CDS2: variants seen among roughly 807,000 people sequenced by gnomAD.
CDS2 encodes the protein CDP-diacylglycerol synthase 2.
Under a neutral mutation model 59.0 loss-of-function variants are expected in CDS2, and 47 were observed. That is an observed-to-expected ratio of 0.80 (90% CI 0.63 to 1.02). The LOEUF (loss-of-function observed/expected upper bound fraction) is 1.02, where lower values mean the gene tolerates loss of function less well. Among genes scored for constraint, CDS2 ranks in the 50% least tolerant of loss-of-function variants. The pLI is 0.00. For synonymous variants in CDS2, 207 were observed against 206.4 expected (o/e 1.00, Z -0.02); for missense variants, 356 against 558.9 (o/e 0.64, Z 3.66).
At chr20:5,148,408 C>A (rs1016809330) in intron 1 of CDS2, among the ~76,000 whole-genome samples, 1 of 152,112 alleles carries the variant, frequency 6.6e-6, no homozygotes, top group Non-Finnish European at 1.5e-5. Context: ...AATAAGAGGT[C>A]TTTGGTGCAA....
At chr20:5,154,087 A>C (rs534651641) in intron 1 of CDS2, among the ~76,000 whole-genome samples, 112 of 152,178 alleles carry the variant, frequency 7.4e-4, no homozygotes, top group African/African-American at 2.5e-3. Context: ...TTCCCACCTC[A>C]TGTCTCCCTT....
At chr20:5,139,232 C>G (rs1259122040) in intron 1 of CDS2, among the ~76,000 whole-genome samples, 1 of 152,136 alleles carries the variant, frequency 6.6e-6, no homozygotes. Flanking sequence ...ATCCTAGCTA[C>G]TTGGGTGGCT....
At chr20:5,160,014 TTGA>T (rs1293164997) in intron 1 of CDS2, among the ~76,000 whole-genome samples, 4 of 152,120 alleles carry the variant, frequency 2.6e-5, no homozygotes, top group Non-Finnish European at 4.4e-5. Context: ...ATTGGAGTGG[TTGA>T]TATGCCTTCT....
chr20:5,132,454 C>T (rs961971117), intron 1 of CDS2, among the ~76,000 whole-genome samples: 1 of 152,120 alleles, frequency 6.6e-6, no homozygotes, highest in Non-Finnish European at 1.5e-5. Flanking sequence ...CAGGCTTTAA[C>T]TGTAGAAGGA....
Position 5,182,416 on chromosome 20 carries a change from A to C in CDS2, c.559A>C (p.Lys187Gln). The C allele has an allele frequency of 6.2e-7, 1 of 1,612,220 alleles. No individual in the cohort carries two copies. Among genetic ancestry groups the C allele is most frequent in the Non-Finnish European group, 8.5e-7 (1 of 1,179,142 alleles). Reference protein sequence around the residue: ...GFCMFVLSLVKKHYRLQFYMF... With the variant: ...GFCMFVLSLVQKHYRLQFYMF... Reference sequence around the variant, plus strand: ...CTGCATGTTTGTACTGAGTCTGGTCAAGAAGCATTATCGACTGCAGTTCTA... The same window carrying C: ...CTGCATGTTTGTACTGAGTCTGGTCCAGAAGCATTATCGACTGCAGTTCTA... The change falls in exon 6 of 13, where the codon AAG (lysine) becomes CAG (glutamine). Residue 187 changes from lysine to glutamine, a missense_variant. This residue lies in a region of CDS2 where 87 missense variants were observed against 193.3 expected (regional missense o/e 0.45). Transcript: ENST00000460006.
chr20:5,171,777 G>A (rs143845205), intron 1 of CDS2, among the ~76,000 whole-genome samples: 56 of 152,270 alleles, frequency 3.7e-4, no homozygotes, highest in African/African-American at 1.3e-3. Flanking sequence ...AGGTGAAGAC[G>A]CCAAAGTACA....
At chr20:5,189,709 A>ACCCATCCTTCC in intron 11 of CDS2, 26 bp from the exon 12 acceptor site, 1 of 1,578,710 alleles carries the variant, frequency 6.3e-7, no homozygotes, top group Non-Finnish European at 8.7e-7. Flanking sequence ...GCCCAAGTTC[A>ACCCATCCTTCC]CCCATCCTTC....
chr20:5,134,959 A>G (rs995387958), intron 1 of CDS2, among the ~76,000 whole-genome samples: 3 of 152,214 alleles, frequency 2.0e-5, no homozygotes, highest in African/African-American at 7.2e-5. Flanking sequence ...GCACTGTCCT[A>G]CTAATGTAAA....
chr20:5,131,074 C>T (rs376505292), intron 1 of CDS2, among the ~76,000 whole-genome samples: 263 of 133,082 alleles, frequency 2.0e-3, no homozygotes, highest in African/African-American at 7.0e-3. Context: ...GCCTGGGCGA[C>T]AGAGCAAGAC....
chr20:5,166,536 G>T (rs2090914811), intron 1 of CDS2, among the ~76,000 whole-genome samples: 1 of 152,062 alleles, frequency 6.6e-6, no homozygotes, highest in Admixed American at 6.5e-5. Context: ...GGCAGCAGAA[G>T]AATAAGAGAG....
At chr20:5,145,867 A>G (rs1600478104) in intron 1 of CDS2, among the ~76,000 whole-genome samples, 1 of 136,986 alleles carries the variant, frequency 7.3e-6, no homozygotes, top group Non-Finnish European at 1.5e-5. Context: ...TCTGTTGCCC[A>G]GGCTAGAGTT....
intron 1 of CDS2, among the ~76,000 whole-genome samples, chr20:5,164,207 G>C (rs907095248): frequency 1.3e-5 from 2 of 152,040 alleles, no homozygotes; most frequent in Non-Finnish European, 2.9e-5. Flanking sequence ...CTATTTGATT[G>C]GTACTTGATT....
At chr20:5,136,498 T>C (rs2090651130) in intron 1 of CDS2, among the ~76,000 whole-genome samples, 1 of 152,186 alleles carries the variant, frequency 6.6e-6, no homozygotes, top group African/African-American at 2.4e-5. Context: ...GCCTGCAGTA[T>C]CCTAAATCCG....
intron 6 of CDS2, among the ~76,000 whole-genome samples, 184 bp from the exon 7 acceptor site, chr20:5,182,877 C>T (rs2091041408): frequency 6.6e-6 from 1 of 152,192 alleles, no homozygotes; most frequent in Admixed American, 6.5e-5. Context: ...CACTAGTGGG[C>T]TGTGGGGGAC....
intron 1 of CDS2, among the ~76,000 whole-genome samples, chr20:5,155,833 T>C (rs557950444): frequency 6.6e-6 from 1 of 152,274 alleles, no homozygotes; most frequent in East Asian, 1.9e-4. Flanking sequence ...GAGGTTTTTC[T>C]TAGTGGCTTC....
At chr20:5,168,418 A>G (rs6116671) in intron 1 of CDS2, among the ~76,000 whole-genome samples, 14 of 132,902 alleles carry the variant, frequency 1.1e-4, no homozygotes, top group Admixed American at 2.2e-4. Flanking sequence ...CTGTCCCCCC[A>G]AAAAAAAAAA....
intron 1 of CDS2, among the ~76,000 whole-genome samples, chr20:5,163,186 C>T (rs1200402070): frequency 6.6e-6 from 1 of 152,068 alleles, no homozygotes; most frequent in Non-Finnish European, 1.5e-5. Context: ...CTTTTAATTA[C>T]TGGTTTTCAA....
At chr20:5,165,035 G>A (rs7271989) in intron 1 of CDS2, among the ~76,000 whole-genome samples, 67,230 of 151,944 alleles carry the variant, frequency 0.44, 15,187 homozygotes, top group South Asian at 0.6. Context: ...AGGATTCCTG[G>A]TCATTCCTTG....
At chr20:5,162,501 G>A (rs1416575902) in intron 1 of CDS2, among the ~76,000 whole-genome samples, 2 of 152,092 alleles carry the variant, frequency 1.3e-5, no homozygotes, top group East Asian at 1.9e-4. Context: ...GTAGTTTTAC[G>A]GACAATGTCA....
Sources: gnomAD v4.1 joint callset for allele counts (sites outside exome capture counted in the v4.1 genomes callset) on GRCh38, gnomAD v4.1.1 for gene constraint, gnomAD v4.1.1 regional missense constraint, MANE v1.5 for transcripts, NCBI Gene and HGNC (gene_info 2026-07-23, HGNC 2026-07-21) for gene names.